LINGO2: variants seen among roughly 807,000 people sequenced by gnomAD.
The protein encoded by LINGO2 is leucine rich repeat and Ig domain containing 2, also known as leucine-rich repeat and immunoglobulin-like domain-containing nogo receptor-interacting protein 2.
A neutral mutation model predicts 30.6 loss-of-function variants in LINGO2; 14 were observed. That is an observed-to-expected ratio of 0.46 (90% CI 0.30 to 0.72). LINGO2 has a LOEUF of 0.72. Among genes scored for constraint, LINGO2 ranks in the 30% least tolerant of loss-of-function variants. LINGO2 has a pLI of 0.07. For synonymous variants in LINGO2, 317 were observed against 288.5 expected, an observed-to-expected ratio of 1.10 and a Z score of -1.00; for missense variants, 729 against 751.7, an observed-to-expected ratio of 0.97 and a Z score of 0.35.
chr9:28,494,680 G>A (rs528351503), intron 1 of LINGO2, among the ~76,000 whole-genome samples: 133 of 152,238 alleles, frequency 8.7e-4, no homozygotes, highest in African/African-American at 3.0e-3. Context: ...ATAAACATAC[G>A]TGTGCATGTG....
the LINGO2 span, among the ~76,000 whole-genome samples, chr9:29,060,099 G>A: frequency 1.5e-4 from 23 of 152,062 alleles, no homozygotes; most frequent in Middle Eastern, 3.4e-3. Context: ...TGAATATTTC[G>A]TTTTTCTTCT....
chr9:28,957,303 G>A, the LINGO2 span, among the ~76,000 whole-genome samples: 1 of 152,092 alleles, frequency 6.6e-6, no homozygotes, highest in Non-Finnish European at 1.5e-5. Flanking sequence ...TAGGATTGCA[G>A]GAATTACATA....
At chr9:28,881,933 C>G in the LINGO2 span, among the ~76,000 whole-genome samples, 4 of 152,290 alleles carry the variant, frequency 2.6e-5, no homozygotes, top group South Asian at 6.2e-4. Context: ...CTTATGTTAA[C>G]TATTGTCTTT....
At chr9:28,701,275 T>C in the LINGO2 span, among the ~76,000 whole-genome samples, 2 of 152,030 alleles carry the variant, frequency 1.3e-5, no homozygotes, top group African/African-American at 4.8e-5. Flanking sequence ...TCTTCTAGGA[T>C]TTTTATAGTT....
At chr9:28,082,402 T>C (rs563962798) in intron 4 of LINGO2, among the ~76,000 whole-genome samples, 1 of 152,280 alleles carries the variant, frequency 6.6e-6, no homozygotes, top group Non-Finnish European at 1.5e-5. Context: ...CTGTTGGTTG[T>C]GTGATTATGG....
At chr9:28,943,239 C>G in the LINGO2 span, among the ~76,000 whole-genome samples, 14 of 152,030 alleles carry the variant, frequency 9.2e-5, no homozygotes, top group African/African-American at 3.1e-4. Flanking sequence ...TTAAAGATAA[C>G]TGAGGACTCC....
the LINGO2 span, among the ~76,000 whole-genome samples, chr9:28,748,132 A>G: frequency 7.2e-4 from 110 of 152,068 alleles, no homozygotes; most frequent in East Asian, 0.014. Flanking sequence ...CTTTCCAGTA[A>G]TTTTTGACAC....
At chr9:28,753,826 T>C in the LINGO2 span, among the ~76,000 whole-genome samples, 1 of 152,026 alleles carries the variant, frequency 6.6e-6, no homozygotes, top group Non-Finnish European at 1.5e-5. Flanking sequence ...GAATACTCCA[T>C]GGAGGTGTCA....
chr9:28,657,208 T>C (rs1828384144), intron 1 of LINGO2, among the ~76,000 whole-genome samples: 1 of 152,070 alleles, frequency 6.6e-6, no homozygotes, highest in Admixed American at 6.6e-5. Context: ...AATTCACCAT[T>C]TTAGCCATTT....
At chr9:28,711,143 G>C in the LINGO2 span, among the ~76,000 whole-genome samples, 2 of 151,998 alleles carry the variant, frequency 1.3e-5, no homozygotes, top group Admixed American at 1.3e-4. Flanking sequence ...TATTTATTAA[G>C]TGCTTAATGT....
chr9:28,298,724 T>C (rs967729253), intron 3 of LINGO2, among the ~76,000 whole-genome samples: 1 of 151,930 alleles, frequency 6.6e-6, no homozygotes, highest in Non-Finnish European at 1.5e-5. Context: ...TTTTCTTGTA[T>C]GTAAATTACA....
chr9:28,598,676 T>C (rs1825323866), intron 1 of LINGO2: 1 of 152,256 alleles, frequency 6.6e-6, no homozygotes, highest in South Asian at 2.1e-4. Flanking sequence ...CCTCATCCTT[T>C]TCCAGATGGT....
chr9:29,012,223 T>C, the LINGO2 span, among the ~76,000 whole-genome samples: 4 of 152,122 alleles, frequency 2.6e-5, 1 homozygote, highest in South Asian at 4.2e-4. Context: ...CTGGTCGTGG[T>C]GGCAGATGTC....
chr9:28,565,147 T>G (rs1452799625), intron 1 of LINGO2, among the ~76,000 whole-genome samples: 1 of 152,148 alleles, frequency 6.6e-6, no homozygotes, highest in Non-Finnish European at 1.5e-5. Flanking sequence ...TGAGTTTAAT[T>G]TATAATATTC....
At chr9:28,813,212 C>G in the LINGO2 span, among the ~76,000 whole-genome samples, 6,295 of 152,132 alleles carry the variant, frequency 0.041, 192 homozygotes, top group Admixed American at 0.081. Context: ...CCCAGCCCCC[C>G]CCAATTAGCT....
At position 28,056,421 on chromosome 9, in the gene LINGO2, T is replaced by C. The variant is rs960107122; in HGVS notation, c.-86-44016A>G. Among the ~76,000 whole-genome samples, 5 of 152,038 alleles carry C rather than the reference T, an allele frequency of 3.3e-5. 1 individual carries two copies. In the East Asian group the frequency reaches 9.7e-4, roughly 29 times the overall value. The stretch of plus-strand genomic sequence containing the variant: ...TTCAGCCTCCATCAGTTAAATATTG[T>C]TTTTGTCCTGTCTCAGCACTCTTTC... On this transcript the variant is annotated intron_variant, in intron 4 of 5. Coordinates refer to ENST00000379992, the Ensembl canonical transcript of LINGO2.
At chr9:28,125,553 T>C (rs1197784133) in intron 4 of LINGO2, among the ~76,000 whole-genome samples, 1 of 152,166 alleles carries the variant, frequency 6.6e-6, no homozygotes, top group Non-Finnish European at 1.5e-5. Flanking sequence ...TGCAGCCAAA[T>C]TAGACCCAAC....
At chr9:29,196,251 C>A in the LINGO2 span, among the ~76,000 whole-genome samples, 53 of 152,098 alleles carry the variant, frequency 3.5e-4, no homozygotes, top group Middle Eastern at 0.01. Flanking sequence ...TCACAAAAGA[C>A]CTGATTTTCC....
chr9:28,939,180 A>AGGCTACTTAAG, the LINGO2 span, among the ~76,000 whole-genome samples: 110,084 of 151,180 alleles, frequency 0.73, 40,081 homozygotes, highest in Non-Finnish European at 0.77. Context: ...AGGCTACTTA[A>AGGCTACTTAAG]GCTACTTAAG....
Sources: allele counts gnomAD v4.1 joint callset (sites outside exome capture counted in the v4.1 genomes callset), GRCh38; gene constraint gnomAD v4.1.1; transcripts MANE v1.5; gene names NCBI Gene and HGNC (gene_info 2026-07-23, HGNC 2026-07-21).